PPP6R1: variants seen among roughly 807,000 people sequenced by gnomAD.
PPP6R1 encodes protein phosphatase 6 regulatory subunit 1.
A neutral mutation model predicts 104.6 loss-of-function variants in PPP6R1; 39 were observed. That is an observed-to-expected ratio of 0.37 (90% CI 0.29 to 0.49). The LOEUF (loss-of-function observed/expected upper bound fraction) is 0.49, where lower values mean the gene tolerates loss of function less well. PPP6R1 is among the 20% of genes least tolerant of loss of function. The probability of loss-of-function intolerance (pLI) is 0.98; values close to 1 mark genes in which losing one functional copy is unlikely to be tolerated. For missense variants in PPP6R1, 1,181 were observed against 1,155.8 expected (o/e 1.02, Z -0.32); for synonymous variants, 549 against 479.0 (o/e 1.15, Z -1.91).
chr19:55,257,078 TAAAAAAAAA>T (rs35336959), intron 1 of PPP6R1, among the ~76,000 whole-genome samples: 1 of 94,278 alleles, frequency 1.1e-5, no homozygotes, highest in African/African-American at 4.0e-5. Flanking sequence ...GAACTAGAGT[TAAAAAAAAA>T]AAAAAAAAAA....
intron 21 of PPP6R1, 21 bp from the exon 22 acceptor site, chr19:55,230,905 C>T (rs760475435): frequency 3.8e-5 from 60 of 1,565,436 alleles, no homozygotes; most frequent in Middle Eastern, 2.2e-4. Context: ...GAGGCAGGTG[C>T]GGCTGTCAGC....
intron 1 of PPP6R1, among the ~76,000 whole-genome samples, chr19:55,254,106 A>G (rs1402155827): frequency 6.6e-6 from 1 of 152,168 alleles, no homozygotes. Context: ...GGAGCAGGAG[A>G]AAGACTCTAC....
Position 55,241,148 on chromosome 19 carries a change from C to T in PPP6R1, c.1162-69G>A. On this transcript the variant is annotated intron_variant, in intron 9 of 23. Transcript: ENST00000412770. The surrounding 1 kb of genome is among the most constrained non-coding windows in gnomAD (Gnocchi z 5.4). ...GCCGAGCCCCCAACCCCTGAGCCCC[C>T]AGCCGAGCCCCCACCCCAGCCCCCG... The T allele has an allele frequency of 6.7e-7, 1 of 1,502,756 alleles. No homozygotes were observed. The highest frequency in any genetic ancestry group is 8.9e-7 in the Non-Finnish European group (1 of 1,124,656). The allele number at this position is 1,502,756 out of a possible 1,614,324, so 93.1% of individuals were successfully genotyped here.
At chr19:55,228,740 A>G (rs1482904414), downstream of PPP6R1, 3 of 1,613,066 alleles carry the variant, frequency 1.9e-6, no homozygotes, top group Non-Finnish European at 2.5e-6. Flanking sequence ...GCCAGCGTCC[A>G]TGCTGGCCTG....
In PPP6R1 at chr19:55,242,466, G is replaced by T. The variant is rs1181252432; in HGVS notation, c.641C>A (p.Ser214Tyr). ...DENQHSNASQ[S>Y]LCDIIRLSRE... ...GCTCAGGCGGATGATGTCACACAGG[G>T]ACTGGGATGCGTTGGAATGTTGCTG... Residue 214 changes from serine to tyrosine, a missense_variant, in exon 6 of 24, where the codon TCC becomes TAC. Ser to Tyr is a moderately radical substitution (Grantham distance 144, BLOSUM62 -2). Coordinates refer to ENST00000412770, the MANE Select transcript of PPP6R1 (RefSeq NM_014931.4). 1 of 1,613,904 alleles carries T rather than the reference G, an allele frequency of 6.2e-7. No individual in the cohort carries two copies. Among genetic ancestry groups the T allele is most frequent in the South Asian group, 1.1e-5 (1 of 91,076 alleles).
Position 55,245,705 on chromosome 19 carries a change from G to C in PPP6R1, c.228-27C>G. 1 of 1,586,482 alleles carries C rather than the reference G, an allele frequency of 6.3e-7. No homozygotes were observed. The highest frequency in any genetic ancestry group is 2.2e-5 in the East Asian group (1 of 44,462). On this transcript the variant is annotated intron_variant, in intron 2 of 23. Coordinates refer to ENST00000412770, the MANE Select transcript of PPP6R1 (RefSeq NM_014931.4). The surrounding 1 kb of genome is among the most constrained non-coding windows in gnomAD (Gnocchi z 6.4). ...TGGGAGGCAAGCACAGGCGGGTGGG[G>C]GCTCGGGTCGGAGGCCGGGGGCAGG...
chr19:55,250,428 G>A (rs1381405749), intron 1 of PPP6R1, among the ~76,000 whole-genome samples: 2 of 152,160 alleles, frequency 1.3e-5, no homozygotes, highest in South Asian at 2.1e-4. Context: ...AGGGATGAAT[G>A]AGCGAGTTCC....
chr19:55,250,026 C>T (rs1736349272), intron 1 of PPP6R1, among the ~76,000 whole-genome samples: 1 of 152,190 alleles, frequency 6.6e-6, no homozygotes. Context: ...CGCCAGTGCT[C>T]CTGGGGCTGC....
chr19:55,236,597 G>A (rs1195857490), intron 17 of PPP6R1, 46 bp downstream of exon 17: 36 of 1,471,276 alleles, frequency 2.4e-5, no homozygotes, highest in Non-Finnish European at 3.0e-5. Flanking sequence ...CCTTGGCCCT[G>A]CCGTGTGGTG....
intron 10 of PPP6R1, among the ~76,000 whole-genome samples, chr19:55,240,652 GAC>G (rs1460626862): frequency 6.7e-6 from 1 of 149,846 alleles, no homozygotes; most frequent in Non-Finnish European, 1.5e-5. Flanking sequence ...CGCTTGCACT[GAC>G]ACATGCTCAC....
chr19:55,243,557 C>T, intron 5 of PPP6R1, among the ~76,000 whole-genome samples: 1 of 152,064 alleles, frequency 6.6e-6, no homozygotes, highest in South Asian at 2.1e-4. Flanking sequence ...TCCAGCTGTT[C>T]ATGAGGCAGA....
At chr19:55,251,540 T>G (rs956384376) in intron 1 of PPP6R1, among the ~76,000 whole-genome samples, 4 of 151,872 alleles carry the variant, frequency 2.6e-5, no homozygotes, top group African/African-American at 9.7e-5. Flanking sequence ...TATTTTCCCC[T>G]GTGTCAAGAG....
intron 1 of PPP6R1, among the ~76,000 whole-genome samples, chr19:55,257,377 T>A (rs953566103): frequency 6.6e-6 from 1 of 152,202 alleles, no homozygotes; most frequent in South Asian, 2.1e-4. Context: ...TCCTGAAACA[T>A]CTTGCCTTTC....
Position 55,240,958 on chromosome 19 carries a change from G to A in PPP6R1, c.1283C>T (p.Pro428Leu), listed in dbSNP as rs2087450146. 2.5e-6 allele frequency: 4 copies of A among 1,606,260 alleles called. No individual in the cohort carries two copies. Among genetic ancestry groups the A allele is most frequent in the Non-Finnish European group, 2.5e-6 (3 of 1,177,026 alleles). ...GTCCCAGCTCACATGTTTCACAACA[G>A]GGTTTTGGATGGGCGTCTCAGGGCT... ...DSSPETPIQN[P>L]VVKHLLQQCR... Residue 428 changes from proline (P) to leucine (L), a missense_variant, in exon 10 of 24, where the codon CCT becomes CTT. Physicochemically the swap from Pro to Leu is moderately conservative, Grantham distance 98. Transcript: ENST00000412770.
chr19:55,256,148 A>G (rs925007131), intron 1 of PPP6R1, among the ~76,000 whole-genome samples: 4 of 152,260 alleles, frequency 2.6e-5, no homozygotes, highest in Non-Finnish European at 5.9e-5. Context: ...CAGTAGATGA[A>G]CCAACAAAAG....
chr19:55,240,969 G>A lies in PPP6R1; in HGVS notation c.1272C>T (p.Pro424=), dbSNP rs920676110. The A allele has an allele frequency of 4.4e-6, 7 of 1,603,488 alleles. No individual in the cohort carries two copies. The Admixed American group carries it at 6.8e-5, about 16-fold the overall frequency. ...CATGTTTCACAACAGGGTTTTGGATGGGCGTCTCAGGGCTGCTGTCAGGAG... is the reference window on the plus strand; with the variant it reads ...CATGTTTCACAACAGGGTTTTGGATAGGCGTCTCAGGGCTGCTGTCAGGAG... ...GPPPDSSPET[P]IQNPVVKHLL... The change falls in exon 10 of 24, where the codon CCC becomes CCT. Residue 424 remains proline (P), a synonymous_variant. Transcript: ENST00000412770.
chr19:55,246,350 GGGA>G (rs2087508164), intron 2 of PPP6R1, among the ~76,000 whole-genome samples: 2 of 151,812 alleles, frequency 1.3e-5, no homozygotes, highest in South Asian at 2.1e-4. Context: ...ACTTGAACTT[GGGA>G]GGAGGAGGTT....
intron 21 of PPP6R1, 21 bp from the exon 22 acceptor site, chr19:55,230,905 C>A (rs760475435): frequency 2.2e-5 from 34 of 1,565,438 alleles, no homozygotes; most frequent in Non-Finnish European, 2.5e-5. Context: ...GAGGCAGGTG[C>A]GGCTGTCAGC....
chr19:55,257,197 T>C (rs1354943365), intron 1 of PPP6R1, among the ~76,000 whole-genome samples: 1 of 152,094 alleles, frequency 6.6e-6, no homozygotes, highest in Non-Finnish European at 1.5e-5. Context: ...GTTGTGCATG[T>C]ATGTAAACCA....
Sources: gnomAD v4.1 joint callset for allele counts (sites outside exome capture counted in the v4.1 genomes callset) on GRCh38, gnomAD v4.1.1 for gene constraint, Gnocchi (gnomAD v3.1) non-coding constraint, MANE v1.5 for transcripts, NCBI Gene and HGNC (gene_info 2026-07-23, HGNC 2026-07-21) for gene names.